PRR14L: variants seen among roughly 807,000 people sequenced by gnomAD.
The protein encoded by PRR14L is proline rich 14 like.
A neutral mutation model predicts 155.0 loss-of-function variants in PRR14L; 80 were observed. The ratio of observed to expected loss-of-function variants is 0.52; its 90% CI spans 0.43 to 0.62. The LOEUF (loss-of-function observed/expected upper bound fraction) is 0.62. Ranked by LOEUF, PRR14L falls within the 20% of genes least tolerant of loss-of-function variation. The pLI, the probability that PRR14L is intolerant of heterozygous loss-of-function variation, is 0.00. For missense variants in PRR14L, 2,469 were observed against 2,548.0 expected (o/e 0.97, Z 0.67); for synonymous variants, 883 against 916.0 (o/e 0.96, Z 0.65).
intron 3 of PRR14L, among the ~76,000 whole-genome samples, chr22:31,721,823 A>G (rs1284679110): frequency 1.3e-5 from 2 of 152,216 alleles, no homozygotes; most frequent in African/African-American, 4.8e-5. Context: ...TTACATATCA[A>G]TTAAATAAAA....
chr22:31,728,894 A>C (rs978779748), intron 2 of PRR14L, among the ~76,000 whole-genome samples: 2 of 152,168 alleles, frequency 1.3e-5, no homozygotes, highest in South Asian at 2.1e-4. Context: ...GCACCAAAAA[A>C]ACAAACAATA....
At chr22:31,739,807 C>T (rs112188969) in intron 1 of PRR14L, among the ~76,000 whole-genome samples, 1,557 of 152,300 alleles carry the variant, frequency 0.01, 12 homozygotes, top group Non-Finnish European at 0.016. Flanking sequence ...ACACTTATAT[C>T]TATGCAGTTT....
chr22:31,743,489 A>T (rs144404220), intron 1 of PRR14L, among the ~76,000 whole-genome samples: 2,034 of 152,242 alleles, frequency 0.013, 15 homozygotes, highest in Middle Eastern at 0.031. Context: ...ATTAAATCTT[A>T]AAAAAATGAT....
At chr22:31,744,244 C>T (rs77245054) in intron 1 of PRR14L, among the ~76,000 whole-genome samples, 10,662 of 151,768 alleles carry the variant, frequency 0.07, 447 homozygotes, top group South Asian at 0.18. Flanking sequence ...GAGATTCTCC[C>T]GCCCCAGCCT....
chr22:31,736,469 A>G (rs1354260572), intron 2 of PRR14L, among the ~76,000 whole-genome samples: 1 of 152,094 alleles, frequency 6.6e-6, no homozygotes, highest in Non-Finnish European at 1.5e-5. Flanking sequence ...ATTCCTAATC[A>G]TAGTCACTGT....
Position 31,716,871 on chromosome 22 carries a change from G to C in PRR14L, c.968C>G (p.Pro323Arg). 6.4e-7 allele frequency: 1 copy of C among 1,551,954 alleles called. No homozygotes were observed. The highest frequency in any genetic ancestry group is 8.7e-7 in the Non-Finnish European group (1 of 1,147,048). Residue 323 changes from proline to arginine, a missense_variant, in exon 4 of 9, where the codon CCC becomes CGC. By Grantham distance (103) the Pro-to-Arg change is moderately radical. Coordinates refer to ENST00000327423, the MANE Select transcript of PRR14L (RefSeq NM_173566.3). ...TGTGGGACTATCATGTGTAGAACTG[G>C]GTTGTTCATTATGGTGGCCATGAAG... ...QQLHGHHNEQ[P>R]SSTHDSPTAT... is the part of the protein sequence containing the mutation.
chr22:31,697,619 A>C (rs753870005), intron 7 of PRR14L, among the ~76,000 whole-genome samples: 22 of 152,152 alleles, frequency 1.4e-4, no homozygotes, highest in Non-Finnish European at 2.6e-4. Context: ...TAATTTGGGC[A>C]CTTTGGGAGG....
Position 31,738,668 on chromosome 22 carries a change from A to G in PRR14L, c.193T>C (p.Leu65=), listed in dbSNP as rs899055219. 1 of 1,552,050 alleles carries G rather than the reference A, an allele frequency of 6.4e-7. No homozygotes were observed. The change falls in exon 2 of 9, where the codon TTG becomes CTG. Residue 65 remains leucine (L), a synonymous_variant. Coordinates refer to ENST00000327423, the MANE Select transcript of PRR14L (RefSeq NM_173566.3). Reference sequence around the variant, plus strand: ...TCCACATGAGTCCTCTGCAGCTCCAAGGGCAATGCCCTATTCTGACTTAAA... The same window carrying G: ...TCCACATGAGTCCTCTGCAGCTCCAGGGGCAATGCCCTATTCTGACTTAAA... The part of the protein sequence containing the change: ...SLLSQNRALP[L]ELQRTHVESC...
intron 3 of PRR14L, among the ~76,000 whole-genome samples, chr22:31,718,148 G>T (rs1468685263): frequency 6.6e-6 from 1 of 150,810 alleles, no homozygotes; most frequent in Non-Finnish European, 1.5e-5. Context: ...GGCTGGTCTC[G>T]AACTCCTGAC....
chr22:31,729,057 C>A (rs1280172745), intron 2 of PRR14L, among the ~76,000 whole-genome samples: 1 of 152,184 alleles, frequency 6.6e-6, no homozygotes, highest in East Asian at 1.9e-4. Context: ...CAGATTTTGA[C>A]CTTCCTCCTA....
At chr22:31,707,922 G>C (rs1357461779) in intron 4 of PRR14L, among the ~76,000 whole-genome samples, 2 of 152,152 alleles carry the variant, frequency 1.3e-5, no homozygotes, top group African/African-American at 4.8e-5. Flanking sequence ...GGCTGGGGCA[G>C]GCAGATCACC....
At position 31,713,196 on chromosome 22, in the gene PRR14L, G is replaced by C; in HGVS notation, c.4643C>G (p.Ala1548Gly). Residue 1548 changes from alanine (A) to glycine (G), a missense_variant, in exon 4 of 9, where the codon GCC (alanine) becomes GGC (glycine). By Grantham distance (60) the Ala-to-Gly change is moderately conservative. Around this residue, in one of 2 missense-constraint regions of PRR14L, gnomAD observed 2,363 missense variants for 2,371.6 expected, o/e 1.00. Transcript: ENST00000327423. ...GGGATTGGAAGAACTCTTTAAAAAG[G>C]CAGAACTTCTGATTTTACCTATTTT... ...GRKIGKIRSSAFLKSSSNPIP... is the reference protein window; with the variant it reads ...GRKIGKIRSSGFLKSSSNPIP... 6.4e-7 allele frequency: 1 copy of C among 1,551,844 alleles called. No individual in the cohort carries two copies. The highest frequency in any genetic ancestry group is 8.7e-7 in the Non-Finnish European group (1 of 1,147,014).
intron 7 of PRR14L, among the ~76,000 whole-genome samples, chr22:31,692,355 C>T (rs2074515971): frequency 6.6e-6 from 1 of 152,114 alleles, no homozygotes; most frequent in South Asian, 2.1e-4. Context: ...TGTTTCTTTA[C>T]ATCCTAGTGG....
chr22:31,711,964 G>C, intron 4 of PRR14L, 119 bp downstream of exon 4: 2 of 945,690 alleles, frequency 2.1e-6, no homozygotes, highest in Middle Eastern at 2.6e-4. Context: ...AAGGTAAATA[G>C]AAAATGCAGA....
Position 31,685,485 on chromosome 22 carries a change from CAAAA to C in PRR14L, c.*38_*41del. 1 of 1,359,680 alleles carries C rather than the reference CAAAA, an allele frequency of 7.4e-7. No individual in the cohort carries two copies. Among genetic ancestry groups the C allele is most frequent in the Non-Finnish European group, 9.7e-7 (1 of 1,026,678 alleles). 84.2% of individuals were successfully genotyped at this position (1,359,680 alleles called of 1,614,324 possible). A position where few individuals can be genotyped will look rare whatever the true frequency, so the allele number is the denominator to read the frequency against. On this transcript the variant is annotated 3_prime_UTR_variant, in exon 9 of 9. Transcript: ENST00000327423. ...AAAAAAACCCAAAAACAAAACAAAACAAAAAAACCCTAAAATTGAGACCCTCAAA... is the reference window on the plus strand; with the variant it reads ...AAAAAAACCCAAAAACAAAACAAAACAAACCCTAAAATTGAGACCCTCAAA...
At chr22:31,698,368 G>A (rs1272428711) in intron 7 of PRR14L, among the ~76,000 whole-genome samples, 1 of 151,916 alleles carries the variant, frequency 6.6e-6, no homozygotes, top group South Asian at 2.1e-4. Context: ...CAAAAAGTAC[G>A]TGATAAACTG....
intron 3 of PRR14L, among the ~76,000 whole-genome samples, chr22:31,721,642 T>G (rs1247194338): frequency 1.3e-5 from 2 of 151,982 alleles, no homozygotes; most frequent in Non-Finnish European, 2.9e-5. Flanking sequence ...TGATTGTGCC[T>G]ATAGCTTACA....
Position 31,690,569 on chromosome 22 carries a change from C to T in PRR14L, c.6108-2342G>A, listed in dbSNP as rs556631226. Among the ~76,000 whole-genome samples the T allele has an allele frequency of 1.2e-4, 19 of 152,220 alleles. No homozygotes were observed. The South Asian group carries it at 3.1e-3, about 25-fold the overall frequency. On this transcript the variant is annotated intron_variant, in intron 7 of 8. Coordinates refer to ENST00000327423, the MANE Select transcript of PRR14L (RefSeq NM_173566.3). ...GTACAATGATAGCTGACTGCAGCCT[C>T]GACCTTCCTGGCTGAAGCAATCCTC...
rs1438460273 is a variant in PRR14L at position 31,713,665 on chromosome 22, G to A, written c.4174C>T (p.Pro1392Ser). The change falls in exon 4 of 9, where the codon CCT becomes TCT. Residue 1392 changes from proline (P) to serine (S), a missense_variant. Around this residue, in one of 2 missense-constraint regions of PRR14L, gnomAD observed 2,363 missense variants for 2,371.6 expected, o/e 1.00. Coordinates refer to ENST00000327423, the MANE Select transcript of PRR14L (RefSeq NM_173566.3). ...ILNHAEKQQS[P>S]EVLDYMLQKE... The stretch of plus-strand genomic sequence containing the variant: ...TGCAACATGTAGTCCAAAACCTCAG[G>A]GCTCTGCTGTTTTTCAGCATGATTA... 3 of 1,551,850 alleles carry A rather than the reference G, an allele frequency of 1.9e-6. No homozygotes were observed. The highest frequency in any genetic ancestry group is 2.6e-6 in the Non-Finnish European group (3 of 1,147,058).
Sources: allele counts gnomAD v4.1 joint callset (sites outside exome capture counted in the v4.1 genomes callset), GRCh38; gene constraint gnomAD v4.1.1; regional missense constraint gnomAD v4.1.1; transcripts MANE v1.5; gene names NCBI Gene and HGNC (gene_info 2026-07-23, HGNC 2026-07-21).